The following STK32C variants were observed in gnomAD, a reference collection of about 807,000 sequenced individuals.
The protein encoded by STK32C is serine/threonine kinase 32C.
A neutral mutation model predicts 56.5 loss-of-function variants in STK32C; 31 were observed. The ratio of observed to expected loss-of-function variants is 0.55; its 90% CI spans 0.41 to 0.74. The LOEUF is 0.74. Among genes scored for constraint, STK32C ranks in the 30% least tolerant of loss-of-function variants. The pLI is 0.00. For synonymous variants in STK32C, 309 were observed against 289.4 expected (o/e 1.07, Z -0.69); for missense variants, 544 against 676.9 (o/e 0.80, Z 2.18).
At chr10:132,294,149 T>C (rs2138323309) in intron 1 of STK32C, among the ~76,000 whole-genome samples, 1 of 152,208 alleles carries the variant, frequency 6.6e-6, no homozygotes, top group South Asian at 2.1e-4. Flanking sequence ...ATAGGTGGTA[T>C]TTGAACCATG....
chr10:132,293,250 C>A (rs1324746038), intron 1 of STK32C, among the ~76,000 whole-genome samples: 1 of 152,206 alleles, frequency 6.6e-6, no homozygotes, highest in Non-Finnish European at 1.5e-5. Context: ...GGTCCCTCCA[C>A]CCAGGCCTGG....
In STK32C at chr10:132,249,803, C is replaced by T. The variant is rs2063832518; in HGVS notation, c.263-3848G>A. 2.0e-5 allele frequency among the ~76,000 whole-genome samples: 3 copies of T among 152,220 alleles called. 1 individual carries two copies. ...TCAGGCTCCTGTCCCCAGCTCCTGC[C>T]ATCAGCAACCCATGAGGGTCTCCGC... On this transcript the variant is annotated intron_variant, in intron 1 of 11. Coordinates refer to ENST00000298630, the MANE Select transcript of STK32C (RefSeq NM_173575.4).
intron 1 of STK32C, among the ~76,000 whole-genome samples, chr10:132,266,605 G>T (rs1370850666): frequency 1.3e-5 from 2 of 152,114 alleles, no homozygotes; most frequent in Non-Finnish European, 2.9e-5. Flanking sequence ...AGGTTACATG[G>T]CCTGCCCACG....
chr10:132,230,682 G>T lies in STK32C; in HGVS notation c.319-2554C>A, dbSNP rs1034646771. On this transcript the variant is annotated intron_variant, in intron 2 of 11. Coordinates refer to ENST00000298630, the MANE Select transcript of STK32C (RefSeq NM_173575.4). ...TTGCTGCTGGGGGGGAAGCTGGCGGGGGGGGGGGGGCTGCAGAGCCCACCT... is the reference window on the plus strand; with the variant it reads ...TTGCTGCTGGGGGGGAAGCTGGCGGTGGGGGGGGGGCTGCAGAGCCCACCT... Among the ~76,000 whole-genome samples, 3 of 139,358 alleles carry T rather than the reference G, an allele frequency of 2.2e-5. 1 individual carries two copies. Among genetic ancestry groups the T allele is most frequent in the Non-Finnish European group, 3.2e-5 (2 of 63,066 alleles). The allele number at this position is 139,358 out of a possible 152,430, so 91.4% of individuals were successfully genotyped here. A position where few individuals can be genotyped will look rare whatever the true frequency, so the allele number is the denominator to read the frequency against.
At chr10:132,288,753 G>A (rs1467664793) in intron 1 of STK32C, among the ~76,000 whole-genome samples, 1 of 152,202 alleles carries the variant, frequency 6.6e-6, no homozygotes, top group African/African-American at 2.4e-5. Flanking sequence ...TTTAACAGAT[G>A]TACAAGACTT....
At chr10:132,267,071 C>G (rs928925602) in intron 1 of STK32C, among the ~76,000 whole-genome samples, 1 of 152,210 alleles carries the variant, frequency 6.6e-6, no homozygotes, top group East Asian at 1.9e-4. Context: ...GGTCAGAAGC[C>G]GGAGCAGCCC....
Position 132,307,901 on chromosome 10 carries a change from A to T in STK32C, c.-68T>A. 1 of 1,113,498 alleles carries T rather than the reference A, an allele frequency of 9.0e-7. No homozygotes were observed. Among genetic ancestry groups the T allele is most frequent in the African/African-American group, 1.8e-5 (1 of 56,828 alleles). 69.0% of individuals were successfully genotyped at this position (1,113,498 alleles called of 1,614,324 possible). ...GCCGGCCGGCAGGGCCGGGAGCGGC[A>T]GTGGTAGCGGGAGCGCTCGGGGCCG... On this transcript the variant is annotated 5_prime_UTR_variant, in exon 1 of 12. Transcript: ENST00000298630. The surrounding 1 kb of genome is among the most constrained non-coding windows in gnomAD (Gnocchi z 4.4).
rs1590472651 is a variant in STK32C at position 132,307,516 on chromosome 10, G to A, written c.262+56C>T. 2 of 1,497,054 alleles carry A rather than the reference G, an allele frequency of 1.3e-6. No homozygotes were observed. The highest frequency in any genetic ancestry group is 2.8e-5 in the East Asian group (1 of 35,134). The allele number at this position is 1,497,054 out of a possible 1,614,324, so 92.7% of individuals were successfully genotyped here. ...CCCTGCGGGAAAAAGCCGCCCAGCCGCGCCCGCCCCTGCAATAGCGCGCGG... is the reference window on the plus strand; with the variant it reads ...CCCTGCGGGAAAAAGCCGCCCAGCCACGCCCGCCCCTGCAATAGCGCGCGG... On this transcript the variant is annotated intron_variant, in intron 1 of 11. Transcript: ENST00000298630. This position sits in a 1 kb window ranked among gnomAD's most constrained non-coding sequence, Gnocchi z 4.4.
chr10:132,319,228 C>T (rs1029851109), downstream of STK32C, among the ~76,000 whole-genome samples: 2 of 152,186 alleles, frequency 1.3e-5, no homozygotes, highest in African/African-American at 2.4e-5. Context: ...GGATTACAGG[C>T]GTGAGCCACC....
At chr10:132,214,628 TA>T (rs2062411512) in intron 10 of STK32C, among the ~76,000 whole-genome samples, 1 of 152,266 alleles carries the variant, frequency 6.6e-6, no homozygotes. Context: ...TAATTTTTCT[TA>T]ATTGATCCAA....
At chr10:132,208,677 C>CAGA (rs2062184825) in intron 11 of STK32C, among the ~76,000 whole-genome samples, 1 of 152,180 alleles carries the variant, frequency 6.6e-6, no homozygotes, top group Non-Finnish European at 1.5e-5. Context: ...CCCTTTCTGT[C>CAGA]CCCTGGGGCC....
chr10:132,266,620 G>A (rs2064539628), intron 1 of STK32C, among the ~76,000 whole-genome samples: 1 of 152,114 alleles, frequency 6.6e-6, no homozygotes, highest in African/African-American at 2.4e-5. Context: ...CCCACGCCAA[G>A]GAGCCCTCAA....
intron 1 of STK32C, among the ~76,000 whole-genome samples, chr10:132,264,712 C>A (rs1361221374): frequency 1.3e-5 from 2 of 152,136 alleles, no homozygotes; most frequent in Admixed American, 6.5e-5. Context: ...TGGGGCACAC[C>A]CCCACAGGGC....
At chr10:132,210,996 G>A (rs1402451361) in intron 10 of STK32C, among the ~76,000 whole-genome samples, 1 of 152,192 alleles carries the variant, frequency 6.6e-6, no homozygotes, top group Non-Finnish European at 1.5e-5. Context: ...CCAAGGACTC[G>A]AGAAGAAGCC....
chr10:132,225,380 G>T (rs372579511), intron 6 of STK32C, 44 bp from the exon 7 acceptor site: 1 of 1,586,814 alleles, frequency 6.3e-7, no homozygotes, highest in Non-Finnish European at 8.6e-7. Flanking sequence ...CGGGGTCACA[G>T]CCCGGACCCG....
intron 2 of STK32C, among the ~76,000 whole-genome samples, chr10:132,230,642 C>CT (rs2063058984): frequency 8.4e-6 from 1 of 118,524 alleles, no homozygotes; most frequent in African/African-American, 3.3e-5. Flanking sequence ...GGGCCACTGG[C>CT]TGGGGCCAGG....
At chr10:132,286,042 C>T (rs555667654) in intron 1 of STK32C, among the ~76,000 whole-genome samples, 1 of 151,778 alleles carries the variant, frequency 6.6e-6, no homozygotes, top group Non-Finnish European at 1.5e-5. Context: ...AGGAGAATGG[C>T]GTGAACCCGG....
intron 1 of STK32C, among the ~76,000 whole-genome samples, chr10:132,259,404 G>A (rs756843389): frequency 2.6e-5 from 4 of 152,156 alleles, no homozygotes; most frequent in East Asian, 1.9e-4. Flanking sequence ...CTGGGTCAAC[G>A]GGGCGGAGAT....
chr10:132,226,657 C>A (rs1376910618), intron 4 of STK32C, 138 bp downstream of exon 4: 1 of 1,003,042 alleles, frequency 1.0e-6, no homozygotes, highest in East Asian at 2.6e-5. Flanking sequence ...CAGCTGGGGG[C>A]AGGCACTCAG....
Sources: gnomAD v4.1 joint callset for allele counts (sites outside exome capture counted in the v4.1 genomes callset) on GRCh38, gnomAD v4.1.1 for gene constraint, Gnocchi (gnomAD v3.1) non-coding constraint, MANE v1.5 for transcripts, NCBI Gene and HGNC (gene_info 2026-07-23, HGNC 2026-07-21) for gene names.